The following ELK1 variants were observed in gnomAD, a reference collection of about 807,000 sequenced individuals.
The protein encoded by ELK1 is ETS transcription factor ELK1.
For missense variants in ELK1, 254 were observed against 381.5 expected (o/e 0.67, Z 2.78); for synonymous variants, 163 against 176.3 (o/e 0.92, Z 0.60).
rs901566941 is a variant in ELK1 at position 47,641,247 on chromosome X, C to T, written c.195G>A (p.Arg65=). The part of the protein sequence containing the change: ...MNYDKLSRAL[R]YYYDKNIIRK... ...GAGACTGTACCTTGTCATAGTAGTA[C>T]CGCAAGGCCCGGCTGAGCTTGTCGT... The change falls in exon 3 of 7, where the codon CGG becomes CGA. Residue 65 remains arginine, a synonymous_variant. Transcript: ENST00000376983. 1.7e-6 allele frequency: 2 copies of T among 1,211,738 alleles called. No individual in the cohort carries two copies. The highest frequency in any genetic ancestry group is 4.3e-5 in the Admixed American group (2 of 46,052).
intron 2 of ELK1, among the ~76,000 whole-genome samples, chrX:47,644,687 C>G (rs2058038231): frequency 9.0e-6 from 1 of 110,550 alleles, no homozygotes; most frequent in Admixed American, 9.6e-5. Flanking sequence ...GTGTGAAGGG[C>G]CCAAGGCTGG....
At chrX:47,649,523 G>A (rs1452939300) in intron 2 of ELK1, among the ~76,000 whole-genome samples, 1 of 110,707 alleles carries the variant, frequency 9.0e-6, no homozygotes, top group Non-Finnish European at 1.9e-5. Context: ...ACTGCAAAGG[G>A]AGGGGTGATG....
At chrX:47,640,428 G>A (rs1040998330) in intron 3 of ELK1, among the ~76,000 whole-genome samples, 2 of 111,219 alleles carry the variant, frequency 1.8e-5, no homozygotes, top group African/African-American at 6.6e-5. Flanking sequence ...GGAATAAAAA[G>A]GGATATTCAT....
chrX:47,640,556 A>G (rs1161713207), intron 3 of ELK1, among the ~76,000 whole-genome samples: 2 of 111,086 alleles, frequency 1.8e-5, no homozygotes, highest in African/African-American at 6.6e-5. Flanking sequence ...GGATGGGGGA[A>G]ATTTTAAATT....
Position 47,636,042 on chromosome X carries a change from G to C in ELK1, c.*787C>G, listed in dbSNP as rs1337644004. On this transcript the variant is annotated 3_prime_UTR_variant, in exon 7 of 7. Coordinates refer to ENST00000376983, the MANE Select transcript of ELK1 (RefSeq NM_001114123.3). ...CAGCGGGGGAGAGACAGGGAGACCT[G>C]GAGTACTGGCTGGAGGGGCCCCCCA... 9.0e-6 allele frequency: 1 copy of C among 110,982 alleles called. No homozygotes were observed. The highest frequency in any genetic ancestry group is 2.8e-4 in the East Asian group (1 of 3,539). The allele number at this position is 110,982 out of a possible 1,213,427, so 9.1% of individuals were successfully genotyped here.
Position 47,639,001 on chromosome X carries a change from C to G in ELK1, c.548G>C (p.Ser183Thr), listed in dbSNP as rs1059579. ...CGCTGCTGCCCCTGCAGGAGCTGCA[C>G]TGGGGAGCACCACAGCAGGCCGAGG... ...PHPRPAVVLPSAAPAGAAAPP... is the reference protein window; with the variant it reads ...PHPRPAVVLPTAAPAGAAAPP... The change falls in exon 4 of 7, where the codon AGT (serine) becomes ACT (threonine). Residue 183 changes from serine (S) to threonine (T), a missense_variant. Coordinates refer to ENST00000376983, the MANE Select transcript of ELK1 (RefSeq NM_001114123.3). The G allele has an allele frequency of 1.7e-6, 2 of 1,200,764 alleles. No homozygotes were observed. Among genetic ancestry groups the G allele is most frequent in the Admixed American group, 2.3e-5 (1 of 44,096 alleles).
At chrX:47,641,527 G>A (rs2058028683) in intron 2 of ELK1, 52 bp from the exon 3 acceptor site, 12 of 921,663 alleles carry the variant, frequency 1.3e-5, no homozygotes, top group African/African-American at 1.9e-5. Context: ...AGGGGCAGAG[G>A]TCAGCGGGAG....
intron 2 of ELK1, among the ~76,000 whole-genome samples, chrX:47,647,680 C>A (rs1055368074): frequency 1.8e-5 from 2 of 112,238 alleles, no homozygotes; most frequent in Non-Finnish European, 3.8e-5. Flanking sequence ...CCCATTTATT[C>A]ATGGGATAAA....
chrX:47,648,326 T>C (rs2058049756), intron 2 of ELK1, among the ~76,000 whole-genome samples: 1 of 112,182 alleles, frequency 8.9e-6, no homozygotes, highest in Non-Finnish European at 1.9e-5. Flanking sequence ...CTTATTCACA[T>C]ATACAACTAG....
intron 2 of ELK1, among the ~76,000 whole-genome samples, chrX:47,642,254 C>A (rs1603092058): frequency 8.9e-6 from 1 of 112,706 alleles, no homozygotes; most frequent in African/African-American, 3.2e-5. Flanking sequence ...TGTGGGACTT[C>A]TGACCTACAG....
intron 2 of ELK1, among the ~76,000 whole-genome samples, chrX:47,643,512 T>C (rs751043789): frequency 1.8e-5 from 2 of 112,044 alleles, no homozygotes; most frequent in Admixed American, 9.5e-5. Flanking sequence ...CTGGTCTTTA[T>C]TGAATCTCAC....
intron 2 of ELK1, among the ~76,000 whole-genome samples, chrX:47,647,692 T>C (rs1156855481): frequency 2.7e-5 from 3 of 112,263 alleles, no homozygotes; most frequent in Non-Finnish European, 5.6e-5. Flanking sequence ...TGGGATAAAT[T>C]CTTATTGAGC....
chrX:47,642,218 A>G (rs2058030723), intron 2 of ELK1, among the ~76,000 whole-genome samples: 1 of 112,600 alleles, frequency 8.9e-6, no homozygotes, highest in Non-Finnish European at 1.9e-5. Flanking sequence ...CAACCCTGCC[A>G]ATACCTTGAT....
Position 47,650,410 on chromosome X carries a change from G to A in ELK1, c.-141+13C>T, listed in dbSNP as rs754136631. ...ACGGACTGGGCCCTCCACCCTCCAGGCCCAGAGCTCACCTGTGTGTAGCGT... is the reference window on the plus strand; with the variant it reads ...ACGGACTGGGCCCTCCACCCTCCAGACCCAGAGCTCACCTGTGTGTAGCGT... On this transcript the variant is annotated intron_variant, in intron 1 of 6. Transcript: ENST00000376983. The A allele has an allele frequency of 1.2e-5, 4 of 343,639 alleles. No individual in the cohort carries two copies. The highest frequency in any genetic ancestry group is 1.1e-4 in the Admixed American group (4 of 35,572). 28.3% of individuals were successfully genotyped at this position (343,639 alleles called of 1,213,427 possible).
At chrX:47,641,958 G>A (rs1207284058) in intron 2 of ELK1, among the ~76,000 whole-genome samples, 1 of 112,317 alleles carries the variant, frequency 8.9e-6, no homozygotes, top group Admixed American at 9.4e-5. Context: ...GCTCAGAGAT[G>A]TGATGACAGA....
In ELK1 at chrX:47,636,864, G is replaced by T; in HGVS notation, c.1252C>A (p.Pro418Thr). Reference protein sequence around the residue: ...PSISVDGLSTPVVLSPGPQKP With the variant: ...PSISVDGLSTTVVLSPGPQKP ...TGGGGCCCTGGGGAGAGCACCACGG[G>T]GGTCGAGAGGCCATCCACGCTGATA... Residue 418 changes from proline to threonine, a missense_variant, in exon 7 of 7, where the codon CCC becomes ACC. Physicochemically the swap from Pro to Thr is conservative, Grantham distance 38. Coordinates refer to ENST00000376983, the MANE Select transcript of ELK1 (RefSeq NM_001114123.3). 1 of 1,162,369 alleles carries T rather than the reference G, an allele frequency of 8.6e-7. No homozygotes were observed. The highest frequency in any genetic ancestry group is 3.2e-5 in the East Asian group (1 of 31,282).
chrX:47,649,613 C>T (rs931857364), intron 2 of ELK1, among the ~76,000 whole-genome samples: 2 of 110,559 alleles, frequency 1.8e-5, no homozygotes, highest in African/African-American at 6.6e-5. Context: ...AAAGCCATCA[C>T]ACAGACTGAT....
chrX:47,648,060 A>G (rs2058049025), intron 2 of ELK1, among the ~76,000 whole-genome samples: 1 of 112,343 alleles, frequency 8.9e-6, no homozygotes, highest in Non-Finnish European at 1.9e-5. Flanking sequence ...AACAAAATCA[A>G]ATCACTCTTA....
chrX:47,642,029 T>C (rs1213559199), intron 2 of ELK1, among the ~76,000 whole-genome samples: 1 of 111,710 alleles, frequency 9.0e-6, no homozygotes, highest in Non-Finnish European at 1.9e-5. Flanking sequence ...GCTTTGAAGA[T>C]GGAGGAAGGA....
Sources: gnomAD v4.1 joint callset for allele counts (sites outside exome capture counted in the v4.1 genomes callset) on GRCh38, gnomAD v4.1.1 for gene constraint, MANE v1.5 for transcripts, NCBI Gene and HGNC (gene_info 2026-07-23, HGNC 2026-07-21) for gene names.